Variants in TENM2 observed in about 807,000 individuals in gnomAD.
The protein encoded by TENM2 is teneurin-2.
TENM2 carries 52 observed loss-of-function variants against 245.2 expected under a neutral mutation model. The observed-to-expected ratio is 0.21, with a 90% CI of 0.17 to 0.27. TENM2 has a LOEUF of 0.27. TENM2 is among the 10% of genes least tolerant of loss of function. The pLI is 1.00. For synonymous variants in TENM2, 1,363 were observed against 1,438.9 expected, an observed-to-expected ratio of 0.95 and a Z score of 1.19; for missense variants, 3,046 against 3,666.8, an observed-to-expected ratio of 0.83 and a Z score of 4.37.
chr5:167,855,823 AAGGGAGGGAGAGAGGG>A (rs1413744475), intron 2 of TENM2, among the ~76,000 whole-genome samples: 1 of 40,948 alleles, frequency 2.4e-5, no homozygotes, highest in East Asian at 4.9e-4. Context: ...AGAAGGAAGG[AAGGGAGGGAGAGAGGG>A]AGGGAGGGAA....
intron 13 of TENM2, among the ~76,000 whole-genome samples, chr5:168,176,083 G>A: frequency 6.6e-6 from 1 of 152,190 alleles, no homozygotes; most frequent in East Asian, 1.9e-4. Flanking sequence ...TTAAGGCCAT[G>A]ATTTCTTAAT....
intron 2 of TENM2, among the ~76,000 whole-genome samples, chr5:167,642,534 C>T (rs190849115): frequency 1.3e-5 from 2 of 152,162 alleles, no homozygotes; most frequent in Non-Finnish European, 2.9e-5. Context: ...TTTTTTTATA[C>T]ACACACACAC....
the TENM2 span, among the ~76,000 whole-genome samples, chr5:167,052,367 C>T: frequency 6.6e-6 from 1 of 151,912 alleles, no homozygotes; most frequent in Non-Finnish European, 1.5e-5. Flanking sequence ...GACAAATTTA[C>T]ATTTCATTCC....
At chr5:167,079,258 C>CAT in the TENM2 span, among the ~76,000 whole-genome samples, 59,514 of 140,154 alleles carry the variant, frequency 0.42, 12,613 homozygotes, top group African/African-American at 0.5. Context: ...TATATACATC[C>CAT]ATATATATAT....
chr5:167,042,832 T>C, the TENM2 span, among the ~76,000 whole-genome samples: 1 of 152,362 alleles, frequency 6.6e-6, no homozygotes, highest in South Asian at 2.1e-4. Flanking sequence ...AGATTCATCC[T>C]TATTTTTGAA....
chr5:167,317,833 G>T (rs1425090590), intron 1 of TENM2, among the ~76,000 whole-genome samples: 1 of 152,074 alleles, frequency 6.6e-6, no homozygotes, highest in African/African-American at 2.4e-5. Context: ...TGAGGGTTCA[G>T]GTTGATAAGT....
chr5:167,900,599 G>C (rs937373594), intron 3 of TENM2, among the ~76,000 whole-genome samples: 1 of 152,224 alleles, frequency 6.6e-6, no homozygotes, highest in South Asian at 2.1e-4. Context: ...CATCGAAAAT[G>C]AGCCTGGATA....
At chr5:167,635,939 C>T (rs941982236) in intron 2 of TENM2, among the ~76,000 whole-genome samples, 3 of 151,338 alleles carry the variant, frequency 2.0e-5, no homozygotes, top group African/African-American at 7.3e-5. Flanking sequence ...TCACAGCGCC[C>T]GGCCCAGTCT....
At chr5:167,302,619 G>T (rs1755407869) in intron 1 of TENM2, among the ~76,000 whole-genome samples, 1 of 151,924 alleles carries the variant, frequency 6.6e-6, no homozygotes, top group African/African-American at 2.4e-5. Flanking sequence ...AAAAGGATCA[G>T]GGTGCAGAGA....
intron 1 of TENM2, among the ~76,000 whole-genome samples, chr5:167,316,517 A>G (rs1756373292): frequency 6.6e-6 from 1 of 152,188 alleles, no homozygotes; most frequent in Non-Finnish European, 1.5e-5. Flanking sequence ...CAGATTCTAG[A>G]AGCTCACTGT....
intron 2 of TENM2, among the ~76,000 whole-genome samples, chr5:167,724,834 G>T (rs540439002): frequency 3.9e-5 from 6 of 152,224 alleles, no homozygotes; most frequent in Non-Finnish European, 8.8e-5. Context: ...GAAGACTGTC[G>T]AGCCCGCAGT....
At chr5:168,228,940 AATT>A (rs1764545933) in intron 25 of TENM2, among the ~76,000 whole-genome samples, 1 of 147,858 alleles carries the variant, frequency 6.8e-6, no homozygotes, top group African/African-American at 2.5e-5. Flanking sequence ...TATAATGTAT[AATT>A]ATATACATTA....
rs186282171 is a variant in TENM2, at chr5:167,726,126, C to T, written c.503-149860C>T. Among the ~76,000 whole-genome samples the T allele has an allele frequency of 1.2e-4, 18 of 147,458 alleles. No homozygotes were observed. In the East Asian group the frequency reaches 3.8e-3, roughly 31 times the overall value. ...TCCTCTTAAATCCCAGTGCTGGGCA[C>T]GCTGCACGGCATAGAGCAAGTACTC... is the stretch of plus-strand genomic sequence containing the variant. On this transcript the variant is annotated intron_variant, in intron 2 of 28. Coordinates refer to ENST00000518659, the Ensembl canonical transcript of TENM2.
At chr5:167,344,801 C>A (rs2127824329) in intron 1 of TENM2, among the ~76,000 whole-genome samples, 1 of 152,162 alleles carries the variant, frequency 6.6e-6, no homozygotes, top group African/African-American at 2.4e-5. Context: ...TCTTTAATTT[C>A]TTGGAACAGC....
At chr5:168,120,816 A>G (rs1418623884) in intron 10 of TENM2, among the ~76,000 whole-genome samples, 1 of 152,208 alleles carries the variant, frequency 6.6e-6, no homozygotes, top group Non-Finnish European at 1.5e-5. Context: ...CGTTCAAACA[A>G]TTTACCTGAA....
At chr5:167,211,287 C>A in the TENM2 span, among the ~76,000 whole-genome samples, 1 of 152,168 alleles carries the variant, frequency 6.6e-6, no homozygotes, top group Non-Finnish European at 1.5e-5. Context: ...TACACTGTTT[C>A]AACCAATCAG....
chr5:166,991,544 G>C, the TENM2 span, among the ~76,000 whole-genome samples: 5 of 152,112 alleles, frequency 3.3e-5, no homozygotes, highest in Admixed American at 3.3e-4. Flanking sequence ...AAAAATGTTT[G>C]GGGGTTGTAT....
Position 168,235,948 on chromosome 5 carries a change from C to T in TENM2, c.5520+7818C>T, listed in dbSNP as rs750051886. Among the ~76,000 whole-genome samples the T allele has an allele frequency of 3.0e-4, 45 of 152,102 alleles. 1 individual carries two copies. Among genetic ancestry groups the T allele is most frequent in the Non-Finnish European group, 5.4e-4 (37 of 68,018 alleles). On this transcript the variant is annotated intron_variant, in intron 25 of 28. Transcript: ENST00000518659. ...CTGAATGAAGAGTAGGTAGGAATTT[C>T]CCAGGCATGGAGTTGGGGGAAAAGC...
chr5:167,381,250 A>G (rs1761082402), intron 2 of TENM2, among the ~76,000 whole-genome samples: 1 of 152,190 alleles, frequency 6.6e-6, no homozygotes, highest in Non-Finnish European at 1.5e-5. Flanking sequence ...ACATGAAACT[A>G]AAAATGTTAC....
Sources: gnomAD v4.1 joint callset for allele counts (sites outside exome capture counted in the v4.1 genomes callset) on GRCh38, gnomAD v4.1.1 for gene constraint, MANE v1.5 for transcripts, NCBI Gene and HGNC (gene_info 2026-07-23, HGNC 2026-07-21) for gene names.